Variants in BRIP1 observed in about 807,000 individuals in gnomAD.
BRIP1 encodes the protein Fanconi anemia group J protein.
BRIP1 carries 88 observed loss-of-function variants against 119.7 expected under a neutral mutation model. That is an observed-to-expected ratio of 0.74 (90% CI 0.62 to 0.88). The LOEUF is 0.88. BRIP1 is among the 40% of genes least tolerant of loss of function. BRIP1 has a pLI of 0.00. For synonymous variants in BRIP1, 443 were observed against 496.5 expected (o/e 0.89, Z 1.43); for missense variants, 1,259 against 1,455.4 (o/e 0.87, Z 2.20).
chr17:61,812,444 A>C lies in BRIP1; in HGVS notation c.628-3687T>G, dbSNP rs368799798. On this transcript the variant is annotated intron_variant, in intron 6 of 19. Transcript: ENST00000259008. ...AATACATAAGACATGGGGCTTTCCA[A>C]AATCTGTAAACTCTAAGACCTGTAA... is the stretch of plus-strand genomic sequence containing the variant. Among the ~76,000 whole-genome samples, 8 of 152,252 alleles carry C rather than the reference A, an allele frequency of 5.3e-5. No individual in the cohort carries two copies. The East Asian group carries it at 1.5e-3, about 29-fold the overall frequency.
In BRIP1 at chr17:61,822,785, T is replaced by G. The variant is rs1238290367; in HGVS notation, c.628-14028A>C. 6.6e-5 allele frequency among the ~76,000 whole-genome samples: 10 copies of G among 150,906 alleles called. No individual in the cohort carries two copies. The highest frequency in any genetic ancestry group is 2.4e-4 in the African/African-American group (10 of 41,188). On this transcript the variant is annotated intron_variant, in intron 6 of 19. Coordinates refer to ENST00000259008, the MANE Select transcript of BRIP1 (RefSeq NM_032043.3). The surrounding 1 kb of genome is among the most constrained non-coding windows in gnomAD (Gnocchi z 4.4). ...TTTGTGTTTAAAAAAAAAAAGGCCC[T>G]GTATGACTAATATGGGGACCAACAA...
At chr17:61,733,533 T>G (rs563035444) in intron 16 of BRIP1, among the ~76,000 whole-genome samples, 52 of 152,316 alleles carry the variant, frequency 3.4e-4, no homozygotes, top group Non-Finnish European at 1.3e-4. Flanking sequence ...CTATCAATTT[T>G]TTTGTGTGTG....
rs187029209 is a variant in BRIP1, at chr17:61,818,712, T to A, written c.628-9955A>T. Reference sequence around the variant, plus strand: ...ATCTTTCTTTTAGCGGGTTTCTATTTCTTAAAAAGCAGATCACTCCCTTAA... The same window carrying A: ...ATCTTTCTTTTAGCGGGTTTCTATTACTTAAAAAGCAGATCACTCCCTTAA... On this transcript the variant is annotated intron_variant, in intron 6 of 19. Transcript: ENST00000259008. 1.6e-3 allele frequency among the ~76,000 whole-genome samples: 249 copies of A among 152,244 alleles called. No individual in the cohort carries two copies. In the Middle Eastern group the frequency reaches 0.017, roughly 10 times the overall value.
rs146404858 is a variant in BRIP1 at position 61,719,376 on chromosome 17, A to G, written c.2380-3313T>C. The stretch of plus-strand genomic sequence containing the variant: ...GAGGACACTACCTTAAGTGAAATAA[A>G]TAAAAAACATAAAGTTAAACACCAC... On this transcript the variant is annotated intron_variant, in intron 16 of 19. Transcript: ENST00000259008. Among the ~76,000 whole-genome samples, 571 of 152,298 alleles carry G rather than the reference A, an allele frequency of 3.7e-3. 1 individual carries two copies. The highest frequency in any genetic ancestry group is 0.011 in the African/African-American group (459 of 41,550).
Position 61,686,159 on chromosome 17 carries a change from G to C in BRIP1, c.2582C>G (p.Ser861Cys), listed in dbSNP as rs774415723. Residue 861 changes from serine to cysteine, a missense_variant, in exon 19 of 20, where the codon TCT (serine) becomes TGT (cysteine). This residue lies in a region of BRIP1 where 753 missense variants were observed against 891.8 expected (regional missense o/e 0.84). Transcript: ENST00000259008. This position sits in a 1 kb window ranked among gnomAD's most constrained non-coding sequence, Gnocchi z 5.4. ...NNPSRYISGL[S>C]KWVRQQIQHH... ...CTGAATCTGCTGCCGTACCCATTTAGAAAGTCCTAAAGAAAAAGGTAAACC... is the reference window on the plus strand; with the variant it reads ...CTGAATCTGCTGCCGTACCCATTTACAAAGTCCTAAAGAAAAAGGTAAACC... 4.3e-6 allele frequency: 7 copies of C among 1,613,880 alleles called. No individual in the cohort carries two copies. The highest frequency in any genetic ancestry group is 5.9e-6 in the Non-Finnish European group (7 of 1,179,926).
chr17:61,732,297 A>C (rs1024878170), intron 16 of BRIP1, among the ~76,000 whole-genome samples: 13 of 152,054 alleles, frequency 8.5e-5, no homozygotes, highest in Non-Finnish European at 2.9e-5. Flanking sequence ...GAATAGTTTT[A>C]TAATCTGAAT....
chr17:61,715,818 A>G, intron 17 of BRIP1, 133 bp downstream of exon 17: 1 of 554,214 alleles, frequency 1.8e-6, no homozygotes, highest in South Asian at 3.0e-5. Flanking sequence ...CTATCATTGA[A>G]TACATACCAG....
Position 61,860,884 on chromosome 17 carries a change from G to A in BRIP1, c.93+563C>T, listed in dbSNP as rs975265035. Reference sequence around the variant, plus strand: ...AGTTCTGCATAAAAAGTAAGGTACCGTATCACATCAATGCACAGTTTCAAA... The same window carrying A: ...AGTTCTGCATAAAAAGTAAGGTACCATATCACATCAATGCACAGTTTCAAA... On this transcript the variant is annotated intron_variant, in intron 2 of 19. Transcript: ENST00000259008. This position sits in a 1 kb window ranked among gnomAD's most constrained non-coding sequence, Gnocchi z 4.1. 3.3e-5 allele frequency among the ~76,000 whole-genome samples: 5 copies of A among 152,000 alleles called. No individual in the cohort carries two copies. Among genetic ancestry groups the A allele is most frequent in the East Asian group, 3.9e-4 (2 of 5,186 alleles).
At chr17:61,741,262 T>C (rs1300840668) in intron 16 of BRIP1, among the ~76,000 whole-genome samples, 3 of 152,222 alleles carry the variant, frequency 2.0e-5, no homozygotes, top group Non-Finnish European at 4.4e-5. Flanking sequence ...AGTTCTCTTA[T>C]TATTTCCACC....
chr17:61,692,383 G>A (rs912115225), intron 18 of BRIP1, among the ~76,000 whole-genome samples: 1 of 151,924 alleles, frequency 6.6e-6, no homozygotes, highest in Admixed American at 6.6e-5. Context: ...CTATAGAATG[G>A]GAGAAAATAA....
At position 61,776,448 on chromosome 17, in the gene BRIP1, ACACAGATAACAAAAGTGCTCC is replaced by A. The variant is rs2077534052; in HGVS notation, c.2029_2049del (p.Gly677_Val683del). On this transcript the variant is annotated inframe_deletion, in exon 14 of 20. Coordinates refer to ENST00000259008, the MANE Select transcript of BRIP1 (RefSeq NM_032043.3). This position sits in a 1 kb window ranked among gnomAD's most constrained non-coding sequence, Gnocchi z 5.0. ...AAAATTCCTTGGCTCACAGTCTGGC[ACACAGATAACAAAAGTGCTCC>A]CACTTCATCTTGGAACTCAAATGTT... 7 of 1,614,202 alleles carry A rather than the reference ACACAGATAACAAAAGTGCTCC, an allele frequency of 4.3e-6. No homozygotes were observed. Among genetic ancestry groups the A allele is most frequent in the Non-Finnish European group, 5.9e-6 (7 of 1,180,028 alleles).
At position 61,742,914 on chromosome 17, in the gene BRIP1, A is replaced by G; in HGVS notation, c.2379+99T>C. ...AACCTTCAATTTGTAAAAAAGCACT[A>G]TAAAAGCAAAGCGCAATAAAATGAG... On this transcript the variant is annotated intron_variant, in intron 16 of 19. Transcript: ENST00000259008. This position sits in a 1 kb window ranked among gnomAD's most constrained non-coding sequence, Gnocchi z 4.7. 2 of 1,486,614 alleles carry G rather than the reference A, an allele frequency of 1.3e-6. No homozygotes were observed. Among genetic ancestry groups the G allele is most frequent in the South Asian group, 2.3e-5 (2 of 86,836 alleles). 92.1% of individuals were successfully genotyped at this position (1,486,614 alleles called of 1,614,324 possible). A position where few individuals can be genotyped will look rare whatever the true frequency, so the allele number is the denominator to read the frequency against.
In BRIP1 at chr17:61,832,510, C is replaced by T. The variant is rs777525539; in HGVS notation, c.627+14591G>A. Among the ~76,000 whole-genome samples, 15 of 152,246 alleles carry T rather than the reference C, an allele frequency of 9.9e-5. No individual in the cohort carries two copies. Among genetic ancestry groups the T allele is most frequent in the Non-Finnish European group, 1.6e-4 (11 of 68,014 alleles). On this transcript the variant is annotated intron_variant, in intron 6 of 19. Coordinates refer to ENST00000259008, the MANE Select transcript of BRIP1 (RefSeq NM_032043.3). The surrounding 1 kb of genome is among the most constrained non-coding windows in gnomAD (Gnocchi z 5.5). ...TCATTAATGAGAAAAAATGAAACTG[C>T]GTGCCACCTTATAAGATGCAATGAG...
intron 16 of BRIP1, among the ~76,000 whole-genome samples, chr17:61,721,477 A>T (rs1269180337): frequency 6.7e-6 from 1 of 149,400 alleles, no homozygotes; most frequent in Non-Finnish European, 1.5e-5. Flanking sequence ...CACCATGTTG[A>T]CCAGGATGGT....
At chr17:61,728,204 GC>G (rs1395814091) in intron 16 of BRIP1, among the ~76,000 whole-genome samples, 2 of 151,612 alleles carry the variant, frequency 1.3e-5, no homozygotes, top group Non-Finnish European at 2.9e-5. Flanking sequence ...TTGATTCAGA[GC>G]TTTTCAAATG....
At position 61,740,202 on chromosome 17, in the gene BRIP1, T is replaced by A. The variant is rs2076968727; in HGVS notation, c.2379+2811A>T. 6.6e-6 allele frequency among the ~76,000 whole-genome samples: 1 copy of A among 151,818 alleles called. No homozygotes were observed. The highest frequency in any genetic ancestry group is 6.6e-5 in the Admixed American group (1 of 15,252). On this transcript the variant is annotated intron_variant, in intron 16 of 19. Transcript: ENST00000259008. The surrounding 1 kb of genome is among the most constrained non-coding windows in gnomAD (Gnocchi z 5.4). ...AGGTGGAAGAGATCAGAATATGGAG[T>A]GACTAAATCACAAGATCTGCAAGGC...
At position 61,789,229 on chromosome 17, in the gene BRIP1, T is replaced by C. The variant is rs1567821953; in HGVS notation, c.1473+4368A>G. Among the ~76,000 whole-genome samples the C allele has an allele frequency of 1.3e-5, 2 of 151,784 alleles. No homozygotes were observed. The highest frequency in any genetic ancestry group is 4.2e-4 in the South Asian group (2 of 4,806). On this transcript the variant is annotated intron_variant, in intron 10 of 19. Transcript: ENST00000259008. This position sits in a 1 kb window ranked among gnomAD's most constrained non-coding sequence, Gnocchi z 4.8. The stretch of plus-strand genomic sequence containing the variant: ...TTACAGTGAGCTATGAATGCACCAT[T>C]GCACTTCATTCCGGGCAACACAGCA...
rs1233482829 is a variant in BRIP1, at chr17:61,856,146, GA to G, written c.379+911del. On this transcript the variant is annotated intron_variant, in intron 4 of 19. Coordinates refer to ENST00000259008, the MANE Select transcript of BRIP1 (RefSeq NM_032043.3). This position sits in a 1 kb window ranked among gnomAD's most constrained non-coding sequence, Gnocchi z 5.1. ...AAAAGGCCAAAATCAAAACAATGTA[GA>G]CAACACTATTGGTCACCTATTTAAT... Among the ~76,000 whole-genome samples, 4 of 152,274 alleles carry G rather than the reference GA, an allele frequency of 2.6e-5. No individual in the cohort carries two copies. Among genetic ancestry groups the G allele is most frequent in the African/African-American group, 7.2e-5 (3 of 41,562 alleles).
At position 61,793,668 on chromosome 17, in the gene BRIP1, A is replaced by G. The variant is rs1369814158; in HGVS notation, c.1402T>C (p.Trp468Arg). 1 of 1,610,230 alleles carries G rather than the reference A, an allele frequency of 6.2e-7. No homozygotes were observed. The highest frequency in any genetic ancestry group is 8.5e-7 in the Non-Finnish European group (1 of 1,177,878). The change falls in exon 10 of 20, where the codon TGG becomes CGG. Residue 468 changes from tryptophan to arginine, a missense_variant. Physicochemically the swap from Trp to Arg is moderately radical, Grantham distance 101. Transcript: ENST00000259008. The surrounding 1 kb of genome is among the most constrained non-coding windows in gnomAD (Gnocchi z 5.2). ...GTTAAGAGCATTTCATTTCCACTCCATATTTTACAAGCTGATTCATAATCT... is the reference window on the plus strand; with the variant it reads ...GTTAAGAGCATTTCATTTCCACTCCGTATTTTACAAGCTGATTCATAATCT... ...ERDYESACKI[W>R]SGNEMLLTLH... is the part of the protein sequence containing the mutation.
Sources: allele counts gnomAD v4.1 joint callset (sites outside exome capture counted in the v4.1 genomes callset), GRCh38; gene constraint gnomAD v4.1.1; regional missense constraint gnomAD v4.1.1; non-coding constraint Gnocchi (gnomAD v3.1); transcripts MANE v1.5; gene names NCBI Gene and HGNC (gene_info 2026-07-23, HGNC 2026-07-21).